Variants in MYO1H observed in about 807,000 individuals in gnomAD.
MYO1H encodes the protein myosin IH.
In MYO1H, 118 loss-of-function variants were observed where a neutral mutation model predicts 149.3. The ratio of observed to expected loss-of-function variants is 0.79; its 90% CI spans 0.68 to 0.92. The LOEUF (loss-of-function observed/expected upper bound fraction) is 0.92. Ranked by LOEUF, MYO1H falls within the 40% of genes least tolerant of loss-of-function variation. The pLI is 0.00. For missense variants in MYO1H, 1,212 were observed against 1,280.7 expected (o/e 0.95, Z 0.82); for synonymous variants, 447 against 465.2 (o/e 0.96, Z 0.50).
intron 26 of MYO1H, 79 bp from the exon 27 acceptor site, chr12:109,442,138 A>G (rs922793530): frequency 1.6e-6 from 2 of 1,242,542 alleles, no homozygotes; most frequent in Non-Finnish European, 1.2e-6. Context: ...GATGCATAAC[A>G]AAACTAGCAG....
chr12:109,445,452 A>C, intron 30 of MYO1H, 61 bp from the exon 31 acceptor site: 1 of 1,284,122 alleles, frequency 7.8e-7, no homozygotes, highest in Non-Finnish European at 1.1e-6. Context: ...TCTTCTGTAG[A>C]CCAAAGGTTG....
At chr12:109,435,897 G>T (rs892085270) in intron 21 of MYO1H, among the ~76,000 whole-genome samples, 9 of 152,300 alleles carry the variant, frequency 5.9e-5, no homozygotes, top group Admixed American at 2.0e-4. Context: ...CTGGTTGAAG[G>T]GCCACAGTTA....
chr12:109,315,573 C>G, the MYO1H span, among the ~76,000 whole-genome samples: 1 of 152,146 alleles, frequency 6.6e-6, no homozygotes, highest in Non-Finnish European at 1.5e-5. Context: ...AAATTCTACA[C>G]GTTGGGGTTT....
At position 109,443,605 on chromosome 12, in the gene MYO1H, A is replaced by G. The variant is rs760747783; in HGVS notation, c.2780A>G (p.Glu927Gly). 4.3e-6 allele frequency: 7 copies of G among 1,613,384 alleles called. No individual in the cohort carries two copies. The Admixed American group carries it at 1.2e-4, about 27-fold the overall frequency. Residue 927 changes from glutamate to glycine, a missense_variant, in exon 28 of 32, where the codon GAA (glutamate) becomes GGA (glycine). Coordinates refer to ENST00000310903, the Ensembl canonical transcript of MYO1H. ...ACTCAGAAAGCAGCTTACGTGGTGG[A>G]ACTTGCCAAAATCAAGCAGAAAATA...
intron 1 of MYO1H, among the ~76,000 whole-genome samples, chr12:109,349,975 GTTAATA>G (rs1868429163): frequency 8.1e-6 from 1 of 124,112 alleles, no homozygotes; most frequent in African/African-American, 3.3e-5. Flanking sequence ...AAAAAAAAAA[GTTAATA>G]TTATTATTAT....
chr12:109,368,364 G>A (rs907443920), intron 1 of MYO1H, among the ~76,000 whole-genome samples: 2 of 152,088 alleles, frequency 1.3e-5, no homozygotes, highest in Non-Finnish European at 2.9e-5. Flanking sequence ...TCATTAAAAA[G>A]AATAAGATAG....
At chr12:109,398,741 CAAAAAAAAAAA>C (rs35031072) in intron 5 of MYO1H, among the ~76,000 whole-genome samples, 16 of 52,006 alleles carry the variant, frequency 3.1e-4, no homozygotes, top group African/African-American at 1.1e-3. Flanking sequence ...AACTTCCTCT[CAAAAAAAAAAA>C]AAAAAAAAAA....
chr12:109,354,149 A>T (rs1868528966), intron 1 of MYO1H: 1 of 152,218 alleles, frequency 6.6e-6, no homozygotes, highest in African/African-American at 2.4e-5. Flanking sequence ...TCTTATCACA[A>T]ATCATTCAGT....
intron 1 of MYO1H, among the ~76,000 whole-genome samples, chr12:109,379,711 T>A (rs1170138818): frequency 6.6e-6 from 1 of 150,924 alleles, no homozygotes; most frequent in Non-Finnish European, 1.5e-5. Flanking sequence ...AAAAAGAAAC[T>A]GTTTTAGCAA....
At chr12:109,390,303 G>A (rs1431481245) in intron 2 of MYO1H, among the ~76,000 whole-genome samples, 7 of 150,770 alleles carry the variant, frequency 4.6e-5, no homozygotes, top group African/African-American at 1.2e-4. Flanking sequence ...AGCCTCCCAC[G>A]TAGCTGGGAT....
Position 109,404,830 on chromosome 12 carries a change from G to A in MYO1H, c.849+750G>A, listed in dbSNP as rs543810768. Among the ~76,000 whole-genome samples, 20 of 144,762 alleles carry A rather than the reference G, an allele frequency of 1.4e-4. No individual in the cohort carries two copies. The East Asian group carries it at 3.5e-3, about 25-fold the overall frequency. The allele number at this position is 144,762 out of a possible 152,430, so 95.0% of individuals were successfully genotyped here. A position where few individuals can be genotyped will look rare whatever the true frequency, so the allele number is the denominator to read the frequency against. ...AAATTGTAGAATTTATAAACAATTT[G>A]TTTTTACATCTTTTTGTCTTTTTTT... On this transcript the variant is annotated intron_variant, in intron 7 of 31. Transcript: ENST00000310903.
chr12:109,420,947 T>A, intron 15 of MYO1H, 34 bp from the exon 16 acceptor site: 1 of 1,225,260 alleles, frequency 8.2e-7, no homozygotes, highest in Non-Finnish European at 1.2e-6. Flanking sequence ...GGCAGAGACA[T>A]TGATTCAAAA....
At chr12:109,411,360 G>A (rs1488558353) in intron 13 of MYO1H, among the ~76,000 whole-genome samples, 5 of 152,172 alleles carry the variant, frequency 3.3e-5, no homozygotes, top group African/African-American at 1.2e-4. Flanking sequence ...ACCTTGGCCT[G>A]CCAAATGCCA....
At chr12:109,402,648 G>T (rs1870215061) in intron 6 of MYO1H, among the ~76,000 whole-genome samples, 1 of 152,094 alleles carries the variant, frequency 6.6e-6, no homozygotes, top group Non-Finnish European at 1.5e-5. Context: ...GGTAAATAGT[G>T]AAAAGAAAGA....
At position 109,396,370 on chromosome 12, in the gene MYO1H, C is replaced by A; in HGVS notation, c.291-14C>A. On this transcript the variant is annotated splice_polypyrimidine_tract_variant and intron_variant, in intron 3 of 31. Coordinates refer to ENST00000310903, the Ensembl canonical transcript of MYO1H. ...CATTAAAACGAATTTGTTTCCGTCT[C>A]ACTCCTCCTCCAGCTACGCTATAGC... The A allele has an allele frequency of 6.3e-7, 1 of 1,588,050 alleles. No homozygotes were observed. Among genetic ancestry groups the A allele is most frequent in the Non-Finnish European group, 8.6e-7 (1 of 1,165,778 alleles).
the MYO1H span, among the ~76,000 whole-genome samples, chr12:109,342,686 G>T: frequency 6.6e-6 from 1 of 151,312 alleles, no homozygotes; most frequent in African/African-American, 2.4e-5. Context: ...GGGACCACAG[G>T]TGCACACCAC....
intron 19 of MYO1H, among the ~76,000 whole-genome samples, chr12:109,432,148 C>G (rs904463269): frequency 1.3e-5 from 2 of 151,830 alleles, no homozygotes; most frequent in African/African-American, 4.8e-5. Context: ...ACTACAGGTG[C>G]CCGCCACCAT....
At chr12:109,423,871 TA>T (rs140944197) in intron 16 of MYO1H, among the ~76,000 whole-genome samples, 8,360 of 152,230 alleles carry the variant, frequency 0.055, 707 homozygotes, top group African/African-American at 0.19. Flanking sequence ...AAGAATTAAA[TA>T]TTTTAAAAAA....
At chr12:109,426,272 C>T (rs1434457789) in intron 18 of MYO1H, among the ~76,000 whole-genome samples, 1 of 152,110 alleles carries the variant, frequency 6.6e-6, no homozygotes, top group African/African-American at 2.4e-5. Flanking sequence ...TCACTTGAAC[C>T]CAGGAATTGG....
Sources: gnomAD v4.1 joint callset for allele counts (sites outside exome capture counted in the v4.1 genomes callset) on GRCh38, gnomAD v4.1.1 for gene constraint, MANE v1.5 for transcripts, NCBI Gene and HGNC (gene_info 2026-07-23, HGNC 2026-07-21) for gene names.